The following SVEP1 variants were observed in gnomAD, a reference collection of about 807,000 sequenced individuals.
SVEP1 encodes the protein sushi, von Willebrand factor type A, EGF and pentraxin domain containing 1.
Under a neutral mutation model 367.3 loss-of-function variants are expected in SVEP1, and 164 were observed. The observed-to-expected ratio is 0.45, with a 90% CI of 0.39 to 0.51. The LOEUF (loss-of-function observed/expected upper bound fraction) is 0.51. Ranked by LOEUF, SVEP1 falls within the 20% of genes least tolerant of loss-of-function variation. SVEP1 has a pLI of 0.00. For synonymous variants in SVEP1, 1,666 were observed against 1,611.6 expected, an observed-to-expected ratio of 1.03 and a Z score of -0.81; for missense variants, 4,117 against 4,425.3, an observed-to-expected ratio of 0.93 and a Z score of 1.98.
chr9:110,573,595 C>T (rs943358973), intron 1 of SVEP1, among the ~76,000 whole-genome samples: 5 of 151,570 alleles, frequency 3.3e-5, no homozygotes, highest in African/African-American at 4.9e-5. Flanking sequence ...AAGCTTCATG[C>T]GATGTTTGTT....
At chr9:110,570,376 C>T (rs750246510) in intron 1 of SVEP1, among the ~76,000 whole-genome samples, 4 of 152,022 alleles carry the variant, frequency 2.6e-5, no homozygotes, top group Non-Finnish European at 5.9e-5. Context: ...TTTTCCCTGT[C>T]TCTATCAGTA....
At chr9:110,548,209 T>C (rs914068765) in intron 2 of SVEP1, among the ~76,000 whole-genome samples, 4 of 152,206 alleles carry the variant, frequency 2.6e-5, no homozygotes, top group African/African-American at 9.7e-5. Flanking sequence ...ACATACTATA[T>C]TGGTGATGTT....
rs1554719181 is a variant in SVEP1 at position 110,491,590 on chromosome 9, G to GTGTGT, written c.1801-1812_1801-1811insACACA. Among the ~76,000 whole-genome samples the GTGTGT allele has an allele frequency of 5.3e-4, 79 of 147,838 alleles. 1 individual carries two copies. Among genetic ancestry groups the GTGTGT allele is most frequent in the East Asian group, 3.6e-3 (18 of 5,022 alleles). On this transcript the variant is annotated intron_variant, in intron 8 of 47. Coordinates refer to ENST00000374469, the MANE Select transcript of SVEP1 (RefSeq NM_153366.4). ...TAGCATTACATATTTTATAGAATGG[G>GTGTGT]GTGTGTGTGTGTGTGTGTGTGTGTG...
chr9:110,370,140 C>T (rs1276609789), intron 46 of SVEP1, 124 bp from the exon 47 acceptor site: 9 of 790,952 alleles, frequency 1.1e-5, no homozygotes, highest in South Asian at 3.5e-5. Context: ...CTTCATATAC[C>T]GTTAGCATTA....
chr9:110,445,953 A>G lies in SVEP1; in HGVS notation c.4347T>C (p.His1449=). 25 of 1,613,940 alleles carry G rather than the reference A, an allele frequency of 1.5e-5. No individual in the cohort carries two copies. The highest frequency in any genetic ancestry group is 2.1e-5 in the Non-Finnish European group (25 of 1,179,840). Residue 1449 remains histidine (H), a synonymous_variant, in exon 26 of 48, where the codon CAT becomes CAC. Transcript: ENST00000374469. ...TCATCCAGAAGGTACAGGTTAGAGC[A>G]TGGAGAGATGGGAGCATGCCATCTA... ...VMLDGMLPSL[H]ALTCTFWMKS...
At chr9:110,434,666 TAAAAAAAA>T (rs71371668) in intron 29 of SVEP1, among the ~76,000 whole-genome samples, 160 bp from the exon 30 acceptor site, 1 of 40,620 alleles carries the variant, frequency 2.5e-5, no homozygotes, top group East Asian at 1.3e-3. Flanking sequence ...GCAAAATCAC[TAAAAAAAA>T]AAAAAAAAAA....
intron 1 of SVEP1, among the ~76,000 whole-genome samples, chr9:110,573,904 T>C (rs4075022): frequency 0.31 from 47,439 of 152,144 alleles, 8,820 homozygotes; most frequent in East Asian, 0.57. Context: ...TGTGTACTAA[T>C]TACAGAATTC....
At chr9:110,535,909 A>G (rs916077285) in intron 3 of SVEP1, among the ~76,000 whole-genome samples, 1 of 152,080 alleles carries the variant, frequency 6.6e-6, no homozygotes, top group African/African-American at 2.4e-5. Context: ...GTCTTCTGCA[A>G]ATTGAGATAG....
At chr9:110,570,237 T>C (rs980433103) in intron 1 of SVEP1, among the ~76,000 whole-genome samples, 3 of 152,158 alleles carry the variant, frequency 2.0e-5, no homozygotes, top group Non-Finnish European at 2.9e-5. Flanking sequence ...GGAAATTCCT[T>C]TCAATGTAGA....
At chr9:110,366,831 T>C (rs1217815211) in intron 47 of SVEP1, among the ~76,000 whole-genome samples, 1 of 152,208 alleles carries the variant, frequency 6.6e-6, no homozygotes, top group Non-Finnish European at 1.5e-5. Context: ...CAATTCTCTC[T>C]TCTGTAAAAT....
At position 110,366,564 on chromosome 9, in the gene SVEP1, GAA is replaced by G. The variant is rs56790407; in HGVS notation, c.10695-6_10695-5del. 1.8e-3 allele frequency: 2,479 copies of G among 1,393,756 alleles called. No homozygotes were observed. Among genetic ancestry groups the G allele is most frequent in the South Asian group, 6.2e-3 (440 of 70,782 alleles). The allele number at this position is 1,393,756 out of a possible 1,614,324, so 86.3% of individuals were successfully genotyped here. On this transcript the variant is annotated splice_region_variant and splice_polypyrimidine_tract_variant and intron_variant, in intron 47 of 47. Coordinates refer to ENST00000374469, the MANE Select transcript of SVEP1 (RefSeq NM_153366.4). ...TTAAAACCCAGTCCTCCTTTTCCTG[GAA>G]AAAAAAAAAAAAGCAACCAAATAGA...
At chr9:110,389,312 C>T (rs1206163127) in intron 41 of SVEP1, among the ~76,000 whole-genome samples, 1 of 152,012 alleles carries the variant, frequency 6.6e-6, no homozygotes, top group Non-Finnish European at 1.5e-5. Flanking sequence ...ATCTTGTGTC[C>T]TATTGCAGTT....
At chr9:110,394,765 A>G (rs999690873) in intron 40 of SVEP1, among the ~76,000 whole-genome samples, 1 of 152,246 alleles carries the variant, frequency 6.6e-6, no homozygotes, top group Non-Finnish European at 1.5e-5. Context: ...ATGGAAGATC[A>G]AATGAATGAA....
At chr9:110,366,832 T>G (rs950382452) in intron 47 of SVEP1, among the ~76,000 whole-genome samples, 2 of 152,174 alleles carry the variant, frequency 1.3e-5, no homozygotes, top group Non-Finnish European at 2.9e-5. Flanking sequence ...AATTCTCTCT[T>G]CTGTAAAATG....
At chr9:110,429,710 T>G (rs1254363649) in intron 34 of SVEP1, among the ~76,000 whole-genome samples, 2 of 152,126 alleles carry the variant, frequency 1.3e-5, no homozygotes, top group African/African-American at 2.4e-5. Flanking sequence ...AATGATAGAT[T>G]ATTGGTCAGG....
Position 110,411,160 on chromosome 9 carries a change from CTCT to C in SVEP1, c.6548_6550del (p.Lys2183del). The C allele has an allele frequency of 6.2e-7, 1 of 1,613,986 alleles. No homozygotes were observed. Among genetic ancestry groups the C allele is most frequent in the Middle Eastern group, 1.6e-4 (1 of 6,062 alleles). ...CCACTGCCCTGTGGCTTCGCAGGTG[CTCT>C]TCTTTTCCCCTTTGATGTAGAACCC... is the stretch of plus-strand genomic sequence containing the variant. On this transcript the variant is annotated inframe_deletion, in exon 37 of 48. Coordinates refer to ENST00000374469, the MANE Select transcript of SVEP1 (RefSeq NM_153366.4).
rs1354630240 is a variant in SVEP1, at chr9:110,366,604, A to C, written c.10695-44T>G. The C allele has an allele frequency of 4.6e-6, 7 of 1,511,382 alleles. No homozygotes were observed. The South Asian group carries it at 5.1e-5, about 11-fold the overall frequency. 93.6% of individuals were successfully genotyped at this position (1,511,382 alleles called of 1,614,324 possible). A position where few individuals can be genotyped will look rare whatever the true frequency, so the allele number is the denominator to read the frequency against. On this transcript the variant is annotated intron_variant, in intron 47 of 47. Coordinates refer to ENST00000374469, the MANE Select transcript of SVEP1 (RefSeq NM_153366.4). ...GCAACCAAATAGATTCAAAAGAAAA[A>C]ATTGAACTGAAGAGCTAACATCTCT...
At position 110,416,005 on chromosome 9, in the gene SVEP1, G is replaced by A. The variant is rs535467807; in HGVS notation, c.5976-4270C>T. Among the ~76,000 whole-genome samples, 45 of 151,982 alleles carry A rather than the reference G, an allele frequency of 3.0e-4. 1 individual carries two copies. The South Asian group carries it at 9.3e-3, about 31-fold the overall frequency. ...AAAATCTTCAAATTGATAAATTAAT[G>A]TAAAATTAGGTTCTTGGCTGGTGAT... is the stretch of plus-strand genomic sequence containing the variant. On this transcript the variant is annotated intron_variant, in intron 36 of 47. Coordinates refer to ENST00000374469, the MANE Select transcript of SVEP1 (RefSeq NM_153366.4).
At chr9:110,391,904 A>G (rs1827661268) in intron 40 of SVEP1, among the ~76,000 whole-genome samples, 1 of 152,030 alleles carries the variant, frequency 6.6e-6, no homozygotes, top group Non-Finnish European at 1.5e-5. Context: ...CTGAGGGACC[A>G]AATAGAACAA....
Sources: allele counts gnomAD v4.1 joint callset (sites outside exome capture counted in the v4.1 genomes callset), GRCh38; gene constraint gnomAD v4.1.1; transcripts MANE v1.5; gene names NCBI Gene and HGNC (gene_info 2026-07-23, HGNC 2026-07-21).